CLEC16A: variants seen among roughly 807,000 people sequenced by gnomAD.
The protein encoded by CLEC16A is protein CLEC16A.
In CLEC16A, 51 loss-of-function variants were observed where a neutral mutation model predicts 109.5. The ratio of observed to expected loss-of-function variants is 0.47; its 90% CI spans 0.37 to 0.59. The LOEUF (loss-of-function observed/expected upper bound fraction) is 0.59. CLEC16A is among the 20% of genes least tolerant of loss of function. The pLI, the probability that CLEC16A is intolerant of heterozygous loss-of-function variation, is 0.00. For synonymous variants in CLEC16A, 673 were observed against 564.2 expected (o/e 1.19, Z -2.73); for missense variants, 1,339 against 1,394.0 (o/e 0.96, Z 0.63).
intron 19 of CLEC16A, among the ~76,000 whole-genome samples, chr16:11,104,949 G>A (rs946506308): frequency 5.9e-5 from 9 of 152,292 alleles, no homozygotes; most frequent in Admixed American, 3.9e-4. Context: ...TGGGCTGCTG[G>A]GCTGCTGAAC....
At chr16:11,166,601 G>A (rs1266242791) in intron 23 of CLEC16A, 49 bp downstream of exon 23, 34 of 1,507,228 alleles carry the variant, frequency 2.3e-5, no homozygotes, top group Non-Finnish European at 2.7e-5. Flanking sequence ...AGAACCCCGT[G>A]ATCCCTCACC....
intron 10 of CLEC16A, among the ~76,000 whole-genome samples, chr16:10,991,434 AAAAAAAAAAAAAAG>A: frequency 6.6e-6 from 1 of 150,758 alleles, no homozygotes; most frequent in East Asian, 1.9e-4. Context: ...AAAAAAAAAA[AAAAAAAAAAAAAAG>A]AACAGCCAGT....
intron 12 of CLEC16A, among the ~76,000 whole-genome samples, chr16:11,021,652 G>T (rs2046105695): frequency 6.6e-6 from 1 of 152,156 alleles, no homozygotes; most frequent in African/African-American, 2.4e-5. Context: ...TAAAAAATTA[G>T]CCGGGCATGG....
intron 19 of CLEC16A, among the ~76,000 whole-genome samples, chr16:11,081,456 G>A (rs1438907840): frequency 6.6e-6 from 1 of 152,058 alleles, no homozygotes; most frequent in Non-Finnish European, 1.5e-5. Flanking sequence ...TGTTGCTGTG[G>A]CGCCTCCAGG....
intron 7 of CLEC16A, among the ~76,000 whole-genome samples, chr16:10,975,594 A>G (rs1356653980): frequency 6.6e-6 from 1 of 152,180 alleles, no homozygotes; most frequent in South Asian, 2.1e-4. Flanking sequence ...ATAGACATTC[A>G]TTATACTGTT....
chr16:11,166,368 C>T lies in CLEC16A; in HGVS notation c.2642-20C>T. ...CCTACTCTTTGCTTCCACTTGGTCA[C>T]CTGGTACTTTGTCTTGCAGGCTTCG... On this transcript the variant is annotated intron_variant, in intron 22 of 23. Transcript: ENST00000409790. 1 of 1,584,848 alleles carries T rather than the reference C, an allele frequency of 6.3e-7. No individual in the cohort carries two copies. The highest frequency in any genetic ancestry group is 8.6e-7 in the Non-Finnish European group (1 of 1,168,510).
chr16:10,967,731 G>T (rs1284315154), intron 3 of CLEC16A, among the ~76,000 whole-genome samples: 1 of 152,150 alleles, frequency 6.6e-6, no homozygotes, highest in Non-Finnish European at 1.5e-5. Flanking sequence ...GGAAGTTTTG[G>T]CTTCATGAAA....
intron 19 of CLEC16A, among the ~76,000 whole-genome samples, chr16:11,101,364 C>G (rs552236984): frequency 6.6e-6 from 1 of 152,222 alleles, no homozygotes; most frequent in Non-Finnish European, 1.5e-5. Context: ...TTCCTCATAT[C>G]CCAGCCCCAA....
chr16:11,023,796 C>T (rs1201665388), intron 12 of CLEC16A, among the ~76,000 whole-genome samples: 4 of 152,210 alleles, frequency 2.6e-5, no homozygotes, highest in Non-Finnish European at 5.9e-5. Context: ...ATTAAATGTG[C>T]CCTTGGTCAC....
At chr16:11,080,478 A>G (rs2049641504) in intron 19 of CLEC16A, among the ~76,000 whole-genome samples, 1 of 152,194 alleles carries the variant, frequency 6.6e-6, no homozygotes, top group Non-Finnish European at 1.5e-5. Flanking sequence ...GAAGACACAC[A>G]GGTATGTTTG....
intron 13 of CLEC16A, among the ~76,000 whole-genome samples, chr16:11,036,809 A>T (rs914172519): frequency 2.2e-4 from 33 of 152,226 alleles, no homozygotes; most frequent in African/African-American, 7.7e-4. Context: ...TTGGCCTCCC[A>T]AAGTGCTGGT....
chr16:11,066,849 A>T (rs1405053188), intron 19 of CLEC16A: 1 of 152,180 alleles, frequency 6.6e-6, no homozygotes, highest in Non-Finnish European at 1.5e-5. Context: ...GGGGGCCTGG[A>T]AAATACTCAT....
intron 22 of CLEC16A, among the ~76,000 whole-genome samples, chr16:11,141,131 A>T (rs942439394): frequency 6.6e-6 from 1 of 152,208 alleles, no homozygotes; most frequent in Admixed American, 6.5e-5. Flanking sequence ...TCACTTGCAG[A>T]GCAGTTGGCC....
chr16:11,038,961 C>T (rs1228209423), intron 13 of CLEC16A, among the ~76,000 whole-genome samples: 2 of 152,132 alleles, frequency 1.3e-5, no homozygotes, highest in Non-Finnish European at 2.9e-5. Context: ...TGGGGCTCAG[C>T]TTTTGAGTTT....
At chr16:11,135,770 C>A (rs899238791) in intron 22 of CLEC16A, among the ~76,000 whole-genome samples, 6 of 152,248 alleles carry the variant, frequency 3.9e-5, no homozygotes, top group African/African-American at 1.4e-4. Context: ...GGGCCCGCAG[C>A]AGGGCAGCCA....
intron 1 of CLEC16A, among the ~76,000 whole-genome samples, chr16:10,951,415 G>T (rs1315282077): frequency 6.6e-6 from 1 of 152,078 alleles, no homozygotes; most frequent in Non-Finnish European, 1.5e-5. Context: ...TGTGTGTTAG[G>T]CATTCATAAC....
intron 19 of CLEC16A, among the ~76,000 whole-genome samples, chr16:11,079,851 C>T (rs1237587118): frequency 6.6e-6 from 1 of 152,180 alleles, no homozygotes; most frequent in African/African-American, 2.4e-5. Flanking sequence ...GCTGGGCCCC[C>T]TTCCCTTTGC....
intron 11 of CLEC16A, among the ~76,000 whole-genome samples, chr16:11,005,124 A>T (rs1001505992): frequency 1.3e-5 from 2 of 152,158 alleles, no homozygotes; most frequent in East Asian, 1.9e-4. Context: ...CCTTTTAAGG[A>T]TGCTCTCTAA....
At chr16:11,156,441 G>T in intron 22 of CLEC16A, 1 of 324,264 alleles carries the variant, frequency 3.1e-6, no homozygotes, top group Admixed American at 3.9e-5. Flanking sequence ...GCCATCCTTT[G>T]CAAGCAGGGC....
Sources: gnomAD v4.1 joint callset for allele counts (sites outside exome capture counted in the v4.1 genomes callset) on GRCh38, gnomAD v4.1.1 for gene constraint, MANE v1.5 for transcripts, NCBI Gene and HGNC (gene_info 2026-07-23, HGNC 2026-07-21) for gene names.